KLF3: variants seen among roughly 807,000 people sequenced by gnomAD.
KLF3 encodes the protein Krueppel-like factor 3.
Under a neutral mutation model 32.7 loss-of-function variants are expected in KLF3, and 6 were observed. The observed-to-expected ratio is 0.18, with a 90% CI of 0.10 to 0.36. The LOEUF is 0.36. KLF3 is among the 10% of genes least tolerant of loss of function. The pLI is 1.00. For missense variants in KLF3, 338 were observed against 449.7 expected (o/e 0.75, Z 2.25); for synonymous variants, 145 against 172.8 (o/e 0.84, Z 1.26).
chr4:38,669,197 T>G (rs1262737841), intron 1 of KLF3, among the ~76,000 whole-genome samples: 1 of 152,214 alleles, frequency 6.6e-6, no homozygotes. Flanking sequence ...CTTTCTGAAG[T>G]GCATCATTTA....
chr4:38,691,496 G>A (rs1394767410), intron 4 of KLF3, among the ~76,000 whole-genome samples: 1 of 152,222 alleles, frequency 6.6e-6, no homozygotes, highest in Non-Finnish European at 1.5e-5. Context: ...CTGCCTCCAA[G>A]GGAGGGATCC....
chr4:38,697,574 C>T lies in KLF3; in HGVS notation c.*311C>T. 3.9e-6 allele frequency: 1 copy of T among 255,992 alleles called. No individual in the cohort carries two copies. Among genetic ancestry groups the T allele is most frequent in the Non-Finnish European group, 7.4e-6 (1 of 134,746 alleles). The allele number at this position is 255,992 out of a possible 1,614,324, so 15.9% of individuals were successfully genotyped here. On this transcript the variant is annotated 3_prime_UTR_variant, in exon 6 of 6. Coordinates refer to ENST00000261438, the MANE Select transcript of KLF3 (RefSeq NM_016531.6). ...CAAGGGAACATGTAAACTAACATAACCAATTGTCAGTTCTCCATGTATTCC... is the reference window on the plus strand; with the variant it reads ...CAAGGGAACATGTAAACTAACATAATCAATTGTCAGTTCTCCATGTATTCC...
chr4:38,690,722 T>G (rs1316530713), intron 4 of KLF3: 2 of 152,226 alleles, frequency 1.3e-5, no homozygotes, highest in African/African-American at 2.4e-5. Context: ...TGCATCATTT[T>G]CCTCCAACTT....
chr4:38,692,151 T>C (rs1487905298), intron 4 of KLF3, among the ~76,000 whole-genome samples: 1 of 152,226 alleles, frequency 6.6e-6, no homozygotes, highest in African/African-American at 2.4e-5. Context: ...GTATGCGAAT[T>C]ATAGCAAACT....
chr4:38,681,523 C>T (rs1054173529), intron 2 of KLF3, among the ~76,000 whole-genome samples: 1 of 152,210 alleles, frequency 6.6e-6, no homozygotes, highest in Non-Finnish European at 1.5e-5. Flanking sequence ...GGAGCCAGGC[C>T]ACTGGCTGCT....
At chr4:38,682,247 C>T (rs1359266544) in intron 2 of KLF3, among the ~76,000 whole-genome samples, 1 of 152,088 alleles carries the variant, frequency 6.6e-6, no homozygotes, top group African/African-American at 2.4e-5. Context: ...TCAGTATAGG[C>T]CAGGTTTCAC....
In KLF3 at chr4:38,674,187, G is replaced by A. The variant is rs1168603637; in HGVS notation, c.-39-6400G>A. Among the ~76,000 whole-genome samples the A allele has an allele frequency of 6.6e-6, 1 of 152,160 alleles. No homozygotes were observed. Among genetic ancestry groups the A allele is most frequent in the East Asian group, 1.9e-4 (1 of 5,196 alleles). On this transcript the variant is annotated intron_variant, in intron 1 of 5. Coordinates refer to ENST00000261438, the MANE Select transcript of KLF3 (RefSeq NM_016531.6). This position sits in a 1 kb window ranked among gnomAD's most constrained non-coding sequence, Gnocchi z 4.1. ...GGTAGGAAATTCCAGGTAGGTGCCA[G>A]TGCTTAGCTTTGTTTCAGGGAGCCT...
intron 4 of KLF3, among the ~76,000 whole-genome samples, chr4:38,690,981 A>G (rs1430840025): frequency 1.3e-5 from 2 of 152,132 alleles, no homozygotes; most frequent in Non-Finnish European, 2.9e-5. Flanking sequence ...ATGCTCCCCA[A>G]TAGATGAAGA....
At chr4:38,664,734 G>A (rs867524791) in intron 1 of KLF3, 1 of 148,270 alleles carries the variant, frequency 6.7e-6, no homozygotes, top group African/African-American at 2.5e-5. Context: ...CCCCGGGTGC[G>A]GGGGAGCGGG....
At chr4:38,686,148 TTAG>T (rs1722688104) in intron 2 of KLF3, among the ~76,000 whole-genome samples, 3 of 152,162 alleles carry the variant, frequency 2.0e-5, no homozygotes, top group Admixed American at 2.0e-4. Context: ...TTAAGCAGTA[TTAG>T]TAGTGAAAAC....
chr4:38,688,812 G>A lies in KLF3; in HGVS notation c.285G>A (p.Leu95=). The A allele has an allele frequency of 6.2e-7, 1 of 1,614,204 alleles. No homozygotes were observed. The highest frequency in any genetic ancestry group is 8.5e-7 in the Non-Finnish European group (1 of 1,180,044). The change falls in exon 3 of 6, where the codon TTG becomes TTA. Residue 95 remains leucine (L), a synonymous_variant. Coordinates refer to ENST00000261438, the MANE Select transcript of KLF3 (RefSeq NM_016531.6). This position sits in a 1 kb window ranked among gnomAD's most constrained non-coding sequence, Gnocchi z 4.9. The part of the protein sequence containing the change: ...PSSHRRASPG[L]SMPSSSPPIK... ...CACACCGGAGAGCCTCGCCTGGGTT[G>A]AGCATGCCTTCTTCCAGCCCACCGA...
rs771847684 is a variant in KLF3 at position 38,689,837 on chromosome 4, C to T, written c.653C>T (p.Pro218Leu). The T allele has an allele frequency of 7.7e-7, 1 of 1,303,474 alleles. No homozygotes were observed. The highest frequency in any genetic ancestry group is 1.0e-6 in the Non-Finnish European group (1 of 960,180). 80.7% of individuals were successfully genotyped at this position (1,303,474 alleles called of 1,614,324 possible). A position where few individuals can be genotyped will look rare whatever the true frequency, so the allele number is the denominator to read the frequency against. Residue 218 changes from proline to leucine, a missense_variant, in exon 4 of 6, where the codon CCC (proline) becomes CTC (leucine). Physicochemically the swap from Pro to Leu is moderately conservative, Grantham distance 98 (BLOSUM62 -3). This residue lies in a region of KLF3 where 272 missense variants were observed against 313.4 expected (regional missense o/e 0.87). Coordinates refer to ENST00000261438, the MANE Select transcript of KLF3 (RefSeq NM_016531.6). Reference protein sequence around the residue: ...TDYYPEEMSPPLMNSVSPPQA... With the variant: ...TDYYPEEMSPLLMNSVSPPQA... ...TATTATCCTGAAGAAATGTCACCCC[C>T]CTTAATGAACTCAGTGTCCCCCCCG...
At chr4:38,667,891 T>C (rs1219108288) in intron 1 of KLF3, among the ~76,000 whole-genome samples, 1 of 152,210 alleles carries the variant, frequency 6.6e-6, no homozygotes, top group Non-Finnish European at 1.5e-5. Context: ...AGAAAAATCA[T>C]TGAAGCAAAG....
intron 1 of KLF3, among the ~76,000 whole-genome samples, chr4:38,672,368 G>T (rs143358656): frequency 7.9e-5 from 12 of 152,306 alleles, no homozygotes; most frequent in Non-Finnish European, 1.6e-4. Flanking sequence ...TACTGGTGGC[G>T]GTGTGGGACG....
chr4:38,678,771 A>G, intron 1 of KLF3, among the ~76,000 whole-genome samples: 1 of 152,158 alleles, frequency 6.6e-6, no homozygotes, highest in Non-Finnish European at 1.5e-5. Flanking sequence ...AGAACCCGGG[A>G]TTCCTGCAGC....
intron 1 of KLF3, among the ~76,000 whole-genome samples, chr4:38,669,506 C>A (rs534745904): frequency 1.6e-4 from 24 of 152,240 alleles, no homozygotes; most frequent in African/African-American, 5.5e-4. Context: ...CAACTCAGCT[C>A]TCTTTGCTTG....
At chr4:38,677,941 A>C (rs1292835316) in intron 1 of KLF3, among the ~76,000 whole-genome samples, 1 of 151,576 alleles carries the variant, frequency 6.6e-6, no homozygotes, top group Admixed American at 6.6e-5. Context: ...ATAGACCTAA[A>C]TCCTTGAGAA....
chr4:38,694,642 T>TTTTG (rs147958283), intron 4 of KLF3, 104 bp from the exon 5 acceptor site: 1 of 981,550 alleles, frequency 1.0e-6, no homozygotes, highest in African/African-American at 1.7e-5. Context: ...TGTTGGGATT[T>TTTTG]TTTGTTTGTT....
intron 5 of KLF3, among the ~76,000 whole-genome samples, chr4:38,696,356 T>A (rs1361604027): frequency 6.6e-6 from 1 of 152,184 alleles, no homozygotes; most frequent in African/African-American, 2.4e-5. Context: ...CTCATGACCC[T>A]TATGACTAAT....
Sources: allele counts gnomAD v4.1 joint callset (sites outside exome capture counted in the v4.1 genomes callset), GRCh38; gene constraint gnomAD v4.1.1; regional missense constraint gnomAD v4.1.1; non-coding constraint Gnocchi (gnomAD v3.1); transcripts MANE v1.5; gene names NCBI Gene and HGNC (gene_info 2026-07-23, HGNC 2026-07-21).